Variants in PCSK2 observed in about 807,000 individuals in gnomAD.
The protein encoded by PCSK2 is neuroendocrine convertase 2.
In PCSK2, 14 loss-of-function variants were observed where a neutral mutation model predicts 69.7. The observed-to-expected ratio is 0.20, with a 90% CI of 0.13 to 0.31. PCSK2 has a LOEUF of 0.31. Ranked by LOEUF, PCSK2 falls within the 10% of genes least tolerant of loss-of-function variation. The pLI is 1.00. For missense variants in PCSK2, 544 were observed against 842.5 expected, an observed-to-expected ratio of 0.65 and a Z score of 4.39; for synonymous variants, 307 against 320.7, an observed-to-expected ratio of 0.96 and a Z score of 0.46.
intron 11 of PCSK2, among the ~76,000 whole-genome samples, chr20:17,479,642 A>G (rs1465987205): frequency 1.3e-5 from 2 of 152,068 alleles, no homozygotes; most frequent in African/African-American, 2.4e-5. Flanking sequence ...TACTAAAAAT[A>G]TAAATAATTA....
chr20:17,345,632 C>A (rs1376708306), intron 2 of PCSK2, among the ~76,000 whole-genome samples: 1 of 152,180 alleles, frequency 6.6e-6, no homozygotes, highest in African/African-American at 2.4e-5. Context: ...ATGAAGAAAG[C>A]ACAACCTGGA....
intron 2 of PCSK2, among the ~76,000 whole-genome samples, chr20:17,262,832 G>T (rs1987443138): frequency 6.6e-6 from 1 of 152,198 alleles, no homozygotes; most frequent in East Asian, 1.9e-4. Flanking sequence ...CATAGATGTG[G>T]CAAGTTATGC....
intron 2 of PCSK2, among the ~76,000 whole-genome samples, chr20:17,338,302 T>A (rs578018278): frequency 6.0e-4 from 91 of 152,246 alleles, no homozygotes; most frequent in African/African-American, 2.1e-3. Context: ...GTTCAAGCAG[T>A]TCTCCTGCCT....
intron 11 of PCSK2, among the ~76,000 whole-genome samples, chr20:17,474,117 G>A (rs1294426165): frequency 1.3e-5 from 2 of 152,170 alleles, no homozygotes; most frequent in Non-Finnish European, 2.9e-5. Flanking sequence ...TGGTGACAGT[G>A]CCTCTTGTTC....
In PCSK2 at chr20:17,409,324, A is replaced by T. The variant is rs766527694; in HGVS notation, c.605A>T (p.Asp202Val). 1 of 1,613,226 alleles carries T rather than the reference A, an allele frequency of 6.2e-7. No individual in the cohort carries two copies. Among genetic ancestry groups the T allele is most frequent in the East Asian group, 2.2e-5 (1 of 44,864 alleles). Residue 202 changes from aspartate to valine, a missense_variant, in exon 6 of 12, where the codon GAT becomes GTT. Physicochemically the swap from Asp to Val is radical, Grantham distance 152. Transcript: ENST00000262545. ...NDPYPYPRYT[D>V]DWFNSHGTRC... The stretch of plus-strand genomic sequence containing the variant: ...CCCTATCCTTACCCTCGGTACACAG[A>T]TGACTGGTTTAACAGGTAAACTGGG...
chr20:17,293,379 G>A (rs1359370378), intron 2 of PCSK2, among the ~76,000 whole-genome samples: 1 of 152,202 alleles, frequency 6.6e-6, no homozygotes, highest in African/African-American at 2.4e-5. Flanking sequence ...AATAATAGCT[G>A]TCAGTGTGGA....
chr20:17,270,956 T>C (rs780457697), intron 2 of PCSK2, among the ~76,000 whole-genome samples: 1 of 152,064 alleles, frequency 6.6e-6, no homozygotes, highest in Non-Finnish European at 1.5e-5. Context: ...GACTAGTTAG[T>C]CTGTAAAATG....
chr20:17,334,900 A>G (rs564685261), intron 2 of PCSK2, among the ~76,000 whole-genome samples: 2 of 152,350 alleles, frequency 1.3e-5, no homozygotes, highest in African/African-American at 4.8e-5. Context: ...GCATTAGCAT[A>G]TACAGCCAAA....
chr20:17,414,340 T>C (rs1300264495), intron 6 of PCSK2, among the ~76,000 whole-genome samples: 1 of 152,152 alleles, frequency 6.6e-6, no homozygotes, highest in Non-Finnish European at 1.5e-5. Flanking sequence ...CATTCAAAAA[T>C]GATAAAGGGG....
chr20:17,436,874 C>A lies in PCSK2; in HGVS notation c.876C>A (p.Gly292=). 2 of 1,609,764 alleles carry A rather than the reference C, an allele frequency of 1.2e-6. No homozygotes were observed. Among genetic ancestry groups the A allele is most frequent in the Non-Finnish European group, 1.7e-6 (2 of 1,178,278 alleles). The stretch of plus-strand genomic sequence containing the variant: ...TCACGCTGCAGGCCATGGCCGATGG[C>A]GTGAACAAGGTAAGGGGGCCGGCCC... The part of the protein sequence containing the change: ...RELTLQAMAD[G]VNKGRGGKGS... The change falls in exon 8 of 12, where the codon GGC becomes GGA. Residue 292 remains glycine, a synonymous_variant. Transcript: ENST00000262545.
chr20:17,463,875 G>A (rs138251676), intron 10 of PCSK2: 1 of 152,230 alleles, frequency 6.6e-6, no homozygotes, highest in Non-Finnish European at 1.5e-5. Context: ...CCTTTGAATT[G>A]TTTGACTTCT....
At chr20:17,372,310 C>T (rs1241109578) in intron 5 of PCSK2, among the ~76,000 whole-genome samples, 2 of 151,662 alleles carry the variant, frequency 1.3e-5, no homozygotes, top group Non-Finnish European at 1.5e-5. Context: ...ACCCAGGAGG[C>T]GGAGGTTGCA....
intron 2 of PCSK2, among the ~76,000 whole-genome samples, chr20:17,349,825 G>A (rs1046930823): frequency 6.6e-6 from 1 of 151,856 alleles, no homozygotes; most frequent in Non-Finnish European, 1.5e-5. Flanking sequence ...TGAATTACCT[G>A]GAAAGTTTTA....
chr20:17,450,307 C>A (rs1367702318), intron 8 of PCSK2, among the ~76,000 whole-genome samples: 2 of 152,096 alleles, frequency 1.3e-5, no homozygotes, highest in South Asian at 4.1e-4. Context: ...GGATTACAGG[C>A]ATGAGACACC....
rs545335038 is a variant in PCSK2 at position 17,360,784 on chromosome 20, G to C, written c.505+144G>C. 4.4e-5 allele frequency: 25 copies of C among 574,236 alleles called. 1 individual carries two copies. In the South Asian group the frequency reaches 5.9e-4, roughly 14 times the overall value. The allele number at this position is 574,236 out of a possible 1,614,324, so 35.6% of individuals were successfully genotyped here. A position where few individuals can be genotyped will look rare whatever the true frequency, so the allele number is the denominator to read the frequency against. On this transcript the variant is annotated intron_variant, in intron 4 of 11. Coordinates refer to ENST00000262545, the MANE Select transcript of PCSK2 (RefSeq NM_002594.5). ...TGATGGCCACACTGCACTGTGCCCA[G>C]ATCTTCACCTTTCTTCCAATCAGTG...
intron 2 of PCSK2, among the ~76,000 whole-genome samples, chr20:17,275,084 C>CATATATATATATATATAT (rs11474649): frequency 1.3e-4 from 18 of 141,548 alleles, no homozygotes; most frequent in African/African-American, 4.7e-4. Flanking sequence ...ATTATTTATA[C>CATATATATATATATATAT]ATATATATAT....
chr20:17,480,773 G>A (rs930735396), intron 11 of PCSK2, among the ~76,000 whole-genome samples: 2 of 152,190 alleles, frequency 1.3e-5, no homozygotes. Flanking sequence ...AGTCCCACTA[G>A]GGACACTGAG....
chr20:17,258,797 T>TGTGTGTGTGTGTGTG (rs1555782145), intron 1 of PCSK2, among the ~76,000 whole-genome samples: 2 of 151,030 alleles, frequency 1.3e-5, no homozygotes, highest in African/African-American at 4.9e-5. Context: ...TGTGTGTGTG[T>TGTGTGTGTGTGTGTG]TTAAGCAAGG....
intron 4 of PCSK2, among the ~76,000 whole-genome samples, chr20:17,361,692 C>A (rs2021936): frequency 0.91 from 138,042 of 152,112 alleles, 62,784 homozygotes; most frequent in South Asian, 0.95. Context: ...TTAAAACCTG[C>A]GTTGTCTTGT....
Sources: allele counts gnomAD v4.1 joint callset (sites outside exome capture counted in the v4.1 genomes callset), GRCh38; gene constraint gnomAD v4.1.1; transcripts MANE v1.5; gene names NCBI Gene and HGNC (gene_info 2026-07-23, HGNC 2026-07-21).